OLFM1: variants seen among roughly 807,000 people sequenced by gnomAD.
The protein encoded by OLFM1 is noelin.
OLFM1 carries 9 observed loss-of-function variants against 49.7 expected under a neutral mutation model. That is an observed-to-expected ratio of 0.18 (90% CI 0.11 to 0.32). The LOEUF (loss-of-function observed/expected upper bound fraction) is 0.32, where lower values mean the gene tolerates loss of function less well. Ranked by LOEUF, OLFM1 falls within the 10% of genes least tolerant of loss-of-function variation. The pLI is 1.00. For missense variants in OLFM1, 369 were observed against 661.8 expected (o/e 0.56, Z 4.85); for synonymous variants, 240 against 271.8 (o/e 0.88, Z 1.15).
upstream of OLFM1, chr9:135,087,534 G>A: frequency 7.7e-7 from 1 of 1,297,380 alleles, no homozygotes; most frequent in South Asian, 1.8e-5. Flanking sequence ...AGACCTCGCT[G>A]CCAGCAGCCA....
chr9:135,094,033 T>C (rs1047600328), intron 2 of OLFM1, among the ~76,000 whole-genome samples: 1 of 152,252 alleles, frequency 6.6e-6, no homozygotes, highest in Non-Finnish European at 1.5e-5. Context: ...GTCTCCTGAC[T>C]GAGGCCAGCA....
chr9:135,088,214 G>A lies in OLFM1; in HGVS notation c.150+75G>A, dbSNP rs1170775587. 2.5e-6 allele frequency: 3 copies of A among 1,195,688 alleles called. No individual in the cohort carries two copies. Among genetic ancestry groups the A allele is most frequent in the African/African-American group, 3.2e-5 (2 of 62,650 alleles). 74.1% of individuals were successfully genotyped at this position (1,195,688 alleles called of 1,614,324 possible). On this transcript the variant is annotated intron_variant, in intron 1 of 5. Coordinates refer to ENST00000371793, the MANE Select transcript of OLFM1 (RefSeq NM_001282611.2). The surrounding 1 kb of genome is among the most constrained non-coding windows in gnomAD (Gnocchi z 4.8). ...CTCCCCCTCCTCGGTCCGGAGCCCC[G>A]GGCTGGGCGGGCGCCGCGCGGGACC...
At chr9:135,112,414 C>T (rs1450367820) in intron 5 of OLFM1, among the ~76,000 whole-genome samples, 7 of 152,354 alleles carry the variant, frequency 4.6e-5, no homozygotes, top group African/African-American at 7.2e-5. Context: ...TCTTCCAGCA[C>T]GAGGATTTTT....
At chr9:135,075,564 C>G (rs923971247) in exon 1 of OLFM1, 22 of 484,754 alleles carry the variant, frequency 4.5e-5, no homozygotes, top group Non-Finnish European at 7.6e-5. Context: ...GCAGCAGAGC[C>G]CGCGCGCCGC....
At chr9:135,110,893 G>A (rs535570840) in intron 5 of OLFM1, among the ~76,000 whole-genome samples, 15 of 152,334 alleles carry the variant, frequency 9.8e-5, no homozygotes, top group African/African-American at 2.9e-4. Flanking sequence ...AAGTGCCAGC[G>A]CGGGCCCAAG....
intron 5 of OLFM1, among the ~76,000 whole-genome samples, chr9:135,109,486 G>T (rs1041379120): frequency 2.6e-5 from 4 of 152,114 alleles, no homozygotes; most frequent in Admixed American, 2.0e-4. Context: ...AGGGGGTGGG[G>T]GAGATGGGTG....
rs187276558 is a variant in OLFM1, at chr9:135,109,784, G to A, written c.783+2929G>A. On this transcript the variant is annotated intron_variant, in intron 5 of 5. Transcript: ENST00000371793. ...CTGCCACGGAGGGCATTGTAAGGCA[G>A]GTGTGGCCAAGGGCAGAGGGGAGAG... Among the ~76,000 whole-genome samples, 585 of 152,250 alleles carry A rather than the reference G, an allele frequency of 3.8e-3. 5 individuals carry two copies. The highest frequency in any genetic ancestry group is 0.013 in the African/African-American group (559 of 41,554).
At chr9:135,079,781 C>A (rs1230639015) in intron 1 of OLFM1, among the ~76,000 whole-genome samples, 1 of 152,120 alleles carries the variant, frequency 6.6e-6, no homozygotes, top group South Asian at 2.1e-4. Flanking sequence ...CCAGGCCGGG[C>A]CTGGCCTTTC....
rs1003700369 is a variant in OLFM1, at chr9:135,117,150, G to T, written c.784-2354G>T. On this transcript the variant is annotated intron_variant, in intron 5 of 5. Coordinates refer to ENST00000371793, the MANE Select transcript of OLFM1 (RefSeq NM_001282611.2). The surrounding 1 kb of genome is among the most constrained non-coding windows in gnomAD (Gnocchi z 5.5). The stretch of plus-strand genomic sequence containing the variant: ...TTGCTTTCTAATTTGCTCCCACATT[G>T]GTTGAAAATGACTAAAGCATTTTGC... Among the ~76,000 whole-genome samples the T allele has an allele frequency of 6.6e-6, 1 of 152,106 alleles. No homozygotes were observed. Among genetic ancestry groups the T allele is most frequent in the East Asian group, 1.9e-4 (1 of 5,184 alleles).
At chr9:135,103,471 C>T (rs988833077) in intron 4 of OLFM1, among the ~76,000 whole-genome samples, 2 of 152,378 alleles carry the variant, frequency 1.3e-5, no homozygotes, top group South Asian at 2.1e-4. Context: ...CAGCCTCACC[C>T]TTCCCTGCCC....
intron 5 of OLFM1, among the ~76,000 whole-genome samples, chr9:135,107,837 G>A (rs1830967194): frequency 6.6e-6 from 1 of 152,334 alleles, no homozygotes; most frequent in Non-Finnish European, 1.5e-5. Context: ...TTTGAAGGAA[G>A]GGATGGACCC....
intron 4 of OLFM1, among the ~76,000 whole-genome samples, chr9:135,101,316 C>T (rs1830867303): frequency 6.6e-6 from 1 of 152,132 alleles, no homozygotes; most frequent in Non-Finnish European, 1.5e-5. Flanking sequence ...ACTGCAGGTT[C>T]CATGGTCTAG....
chr9:135,105,006 CCCTT>C (rs1422344166), intron 4 of OLFM1, among the ~76,000 whole-genome samples: 1 of 152,118 alleles, frequency 6.6e-6, no homozygotes, highest in Admixed American at 6.5e-5. Context: ...TCCTCTCCAT[CCCTT>C]TCTTCTGCTG....
At chr9:135,094,641 A>G (rs896654274) in intron 2 of OLFM1, among the ~76,000 whole-genome samples, 36 of 152,342 alleles carry the variant, frequency 2.4e-4, no homozygotes, top group African/African-American at 8.4e-4. Context: ...ACTTTCTGAT[A>G]ACAAGATATG....
Position 135,087,873 on chromosome 9 carries a change from G to A in OLFM1, c.-117G>A. 1 of 989,624 alleles carries A rather than the reference G, an allele frequency of 1.0e-6. No individual in the cohort carries two copies. The highest frequency in any genetic ancestry group is 1.2e-6 in the Non-Finnish European group (1 of 832,528). The allele number at this position is 989,624 out of a possible 1,614,324, so 61.3% of individuals were successfully genotyped here. On this transcript the variant is annotated 5_prime_UTR_variant, in exon 1 of 6. Transcript: ENST00000371793. ...GCGGGCGGGCGGCGGCGGGCCGAGG[G>A]GGCGCGGGGACACAGCCAGGCGCCC...
intron 5 of OLFM1, among the ~76,000 whole-genome samples, chr9:135,107,150 G>A (rs1322475612): frequency 3.3e-5 from 5 of 151,874 alleles, no homozygotes; most frequent in Non-Finnish European, 5.9e-5. Flanking sequence ...GCTGGGCTGG[G>A]CTGGGCTGGG....
chr9:135,088,148 G>A lies in OLFM1; in HGVS notation c.150+9G>A. ...TGGACCGCAGCACCGGCGTAAGTGC[G>A]CCCGCCGGCCGCCTTGGCGCGGCTC... is the stretch of plus-strand genomic sequence containing the variant. On this transcript the variant is annotated intron_variant, in intron 1 of 5. Coordinates refer to ENST00000371793, the MANE Select transcript of OLFM1 (RefSeq NM_001282611.2). This position sits in a 1 kb window ranked among gnomAD's most constrained non-coding sequence, Gnocchi z 4.8. 7.6e-7 allele frequency: 1 copy of A among 1,322,732 alleles called. No individual in the cohort carries two copies. 81.9% of individuals were successfully genotyped at this position (1,322,732 alleles called of 1,614,324 possible).
chr9:135,103,664 G>A (rs757125911), intron 4 of OLFM1, among the ~76,000 whole-genome samples: 1 of 152,202 alleles, frequency 6.6e-6, no homozygotes, highest in Non-Finnish European at 1.5e-5. Context: ...GAACTGCAAG[G>A]TCCAGGGTGG....
Position 135,088,898 on chromosome 9 carries a change from T to C in OLFM1, c.150+759T>C, listed in dbSNP as rs978201525. Among the ~76,000 whole-genome samples, 3 of 152,088 alleles carry C rather than the reference T, an allele frequency of 2.0e-5. No individual in the cohort carries two copies. The highest frequency in any genetic ancestry group is 4.4e-5 in the Non-Finnish European group (3 of 67,990). On this transcript the variant is annotated intron_variant, in intron 1 of 5. Transcript: ENST00000371793. The surrounding 1 kb of genome is among the most constrained non-coding windows in gnomAD (Gnocchi z 4.8). ...CTCGAGCCTAGCGGGAGGGGAACCG[T>C]GGCCGGGGCTGCTTCTGGGCAGAGC...
Sources: gnomAD v4.1 joint callset for allele counts (sites outside exome capture counted in the v4.1 genomes callset) on GRCh38, gnomAD v4.1.1 for gene constraint, Gnocchi (gnomAD v3.1) non-coding constraint, MANE v1.5 for transcripts, NCBI Gene and HGNC (gene_info 2026-07-23, HGNC 2026-07-21) for gene names.